DOCK6: variants seen among roughly 807,000 people sequenced by gnomAD.
The protein encoded by DOCK6 is dedicator of cytokinesis protein 6.
In DOCK6, 167 loss-of-function variants were observed where a neutral mutation model predicts 230.3. That is an observed-to-expected ratio of 0.73 (90% CI 0.64 to 0.82). The LOEUF (loss-of-function observed/expected upper bound fraction) is 0.82. Ranked by LOEUF, DOCK6 falls within the 40% of genes least tolerant of loss-of-function variation. The pLI, the probability that DOCK6 is intolerant of heterozygous loss-of-function variation, is 0.00. For missense variants in DOCK6, 2,598 were observed against 2,825.8 expected, an observed-to-expected ratio of 0.92 and a Z score of 1.83; for synonymous variants, 1,148 against 1,185.0, an observed-to-expected ratio of 0.97 and a Z score of 0.64.
rs368947362 is a variant in DOCK6 at position 11,252,133 on chromosome 19, C to A, written c.493G>T (p.Gly165Cys). The A allele has an allele frequency of 1.3e-6, 2 of 1,589,058 alleles. No homozygotes were observed. Among genetic ancestry groups the A allele is most frequent in the Non-Finnish European group, 1.7e-6 (2 of 1,168,354 alleles). The change falls in exon 5 of 48, where the codon GGC becomes TGC. Residue 165 changes from glycine (G) to cysteine (C), a missense_variant. Gly to Cys is a radical substitution (Grantham distance 159). Coordinates refer to ENST00000294618, the MANE Select transcript of DOCK6 (RefSeq NM_020812.4). ...GGCTTCCTCACCGAGTCCTCAGGGC[C>A]GGACCTCTCGTCTCCAGAAGCATCC... is the stretch of plus-strand genomic sequence containing the variant. ...EQDASGDERS[G>C]PEDSNDSRRG...
intron 24 of DOCK6, among the ~76,000 whole-genome samples, chr19:11,224,908 CA>C (rs538639531): frequency 4.1e-3 from 627 of 152,006 alleles, no homozygotes; most frequent in Non-Finnish European, 7.2e-3. Context: ...ACTAAAAATA[CA>C]AAAAATTAGC....
At chr19:11,254,546 T>C (rs1037820491) in intron 1 of DOCK6, among the ~76,000 whole-genome samples, 2 of 151,880 alleles carry the variant, frequency 1.3e-5, no homozygotes, top group African/African-American at 4.8e-5. Flanking sequence ...GTACAAAAAT[T>C]AGCCAGACTC....
rs756208600 is a variant in DOCK6 at position 11,217,010 on chromosome 19, C to T, written c.3798G>A (p.Pro1266=). ...CAGTGGCCCAGCGCTGCAGGAGCGC[C>T]GGCTCGGTGTTTTTCAGCACCCACA... is the stretch of plus-strand genomic sequence containing the variant. ...CVLWVLKNTE[P]ALLQRWATDL... Residue 1266 remains proline, a synonymous_variant, in exon 30 of 48, where the codon CCG becomes CCA. Transcript: ENST00000294618. 6.6e-5 allele frequency: 107 copies of T among 1,613,522 alleles called. 1 individual carries two copies. Among genetic ancestry groups the T allele is most frequent in the Middle Eastern group, 1.6e-4 (1 of 6,084 alleles).
rs560515965 is a variant in DOCK6 at position 11,224,783 on chromosome 19, G to A, written c.2956-1677C>T. The stretch of plus-strand genomic sequence containing the variant: ...AGTGGCCCTCAAATCCCTGCAACCC[G>A]GCCAGGCATGGTGGCTCCTGCCTGT... On this transcript the variant is annotated intron_variant, in intron 24 of 47. Coordinates refer to ENST00000294618, the MANE Select transcript of DOCK6 (RefSeq NM_020812.4). Among the ~76,000 whole-genome samples, 61 of 152,180 alleles carry A rather than the reference G, an allele frequency of 4.0e-4. 1 individual carries two copies. In the South Asian group the frequency reaches 0.012, roughly 29 times the overall value.
Position 11,217,715 on chromosome 19 carries a change from G to A in DOCK6, c.3551-324C>T, listed in dbSNP as rs552920530. Among the ~76,000 whole-genome samples, 5 of 141,918 alleles carry A rather than the reference G, an allele frequency of 3.5e-5. No individual in the cohort carries two copies. The South Asian group carries it at 9.3e-4, about 26-fold the overall frequency. 93.1% of individuals were successfully genotyped at this position (141,918 alleles called of 152,430 possible). On this transcript the variant is annotated intron_variant, in intron 28 of 47. Transcript: ENST00000294618. ...GGAGGTTACAGTGAGCCGAGATCGCGCCACTGCACTCCAGCCTGGGCAACA... is the reference window on the plus strand; with the variant it reads ...GGAGGTTACAGTGAGCCGAGATCGCACCACTGCACTCCAGCCTGGGCAACA...
At chr19:11,252,047 C>G in intron 5 of DOCK6, 72 bp downstream of exon 5, 1 of 1,553,094 alleles carries the variant, frequency 6.4e-7, no homozygotes, top group Non-Finnish European at 8.7e-7. Flanking sequence ...TTTCCTGTCA[C>G]ATGTGACCAA....
intron 28 of DOCK6, among the ~76,000 whole-genome samples, chr19:11,220,874 G>A (rs948605982): frequency 6.6e-6 from 1 of 150,548 alleles, no homozygotes; most frequent in Non-Finnish European, 1.5e-5. Flanking sequence ...GCCCAGGCTG[G>A]AGTGCAGTGG....
At position 11,209,082 on chromosome 19, in the gene DOCK6, G is replaced by A. The variant is rs762716246; in HGVS notation, c.4773C>T (p.Gly1591=). ...ACCAGGTCAGCCGAAGGTCCGGTGA[G>A]CCCTGGTAGCCCCGGGCAATTCTGG... The part of the protein sequence containing the change: ...LMYRIARGYQ[G]SPDLRLTWLQ... The change falls in exon 38 of 48, where the codon GGC becomes GGT. Residue 1591 remains glycine (G), a synonymous_variant. Transcript: ENST00000294618. The A allele has an allele frequency of 4.3e-6, 7 of 1,611,892 alleles. No individual in the cohort carries two copies. Among genetic ancestry groups the A allele is most frequent in the Non-Finnish European group, 5.9e-6 (7 of 1,179,390 alleles).
At chr19:11,258,539 T>C (rs1220964624) in intron 1 of DOCK6, among the ~76,000 whole-genome samples, 2 of 150,744 alleles carry the variant, frequency 1.3e-5, no homozygotes, top group Non-Finnish European at 3.0e-5. Flanking sequence ...TTCAAGCGAT[T>C]CTCCTGCCTC....
At position 11,262,491 on chromosome 19, in the gene DOCK6, G is replaced by A. The variant is rs949147004; in HGVS notation, c.-51C>T. The A allele has an allele frequency of 8.5e-6, 9 of 1,053,940 alleles. No individual in the cohort carries two copies. In the African/African-American group the frequency reaches 8.6e-5, roughly 10 times the overall value. The allele number at this position is 1,053,940 out of a possible 1,614,324, so 65.3% of individuals were successfully genotyped here. On this transcript the variant is annotated 5_prime_UTR_variant, in exon 1 of 48. Coordinates refer to ENST00000294618, the MANE Select transcript of DOCK6 (RefSeq NM_020812.4). ...CCCGGGCCCCGGCCCCGCCGCCGCC[G>A]CCGCCTCCCGGTTCTGGGCAGCCGG...
intron 9 of DOCK6, among the ~76,000 whole-genome samples, chr19:11,244,383 GT>G (rs1279191580): frequency 1.5e-5 from 2 of 136,488 alleles, no homozygotes; most frequent in Non-Finnish European, 3.1e-5. Flanking sequence ...TGCCTCCTGA[GT>G]TTAAGCAATT....
Position 11,202,748 on chromosome 19 carries a change from C to T in DOCK6, c.5236-39G>A. The T allele has an allele frequency of 4.3e-6, 7 of 1,610,364 alleles. 1 individual carries two copies. Among genetic ancestry groups the T allele is most frequent in the Middle Eastern group, 1.7e-4 (1 of 6,056 alleles). On this transcript the variant is annotated intron_variant, in intron 41 of 47. Transcript: ENST00000294618. This position sits in a 1 kb window ranked among gnomAD's most constrained non-coding sequence, Gnocchi z 5.3. ...AAAGGGTGTGGTTGTCCGGGAGGCC[C>T]CTGCTGGAGGTCTCCCTGCCCCAGA... is the stretch of plus-strand genomic sequence containing the variant.
Position 11,208,927 on chromosome 19 carries a change from C to G in DOCK6, c.4928G>C (p.Gly1643Ala). The G allele has an allele frequency of 6.3e-7, 1 of 1,596,982 alleles. No individual in the cohort carries two copies. The highest frequency in any genetic ancestry group is 1.3e-5 in the African/African-American group (1 of 74,646). ...GCCACTCACCTGGAAGGAAACGCAGCCCACGGGCAGGTGGCGGTGGTCCTC... is the reference window on the plus strand; with the variant it reads ...GCCACTCACCTGGAAGGAAACGCAGGCCACGGGCAGGTGGCGGTGGTCCTC... ...LLEDHRHLPV[G>A]CVSFQNISSN... Residue 1643 changes from glycine to alanine, a missense_variant, in exon 38 of 48, where the codon GGC becomes GCC. By Grantham distance (60) the Gly-to-Ala change is moderately conservative (BLOSUM62 0). Transcript: ENST00000294618.
At chr19:11,242,342 G>A in intron 13 of DOCK6, 135 bp from the exon 14 acceptor site, 2 of 984,890 alleles carry the variant, frequency 2.0e-6, no homozygotes, top group East Asian at 3.3e-5. Context: ...CAGGCGCCAA[G>A]GCCAGAAATT....
Position 11,204,259 on chromosome 19 carries a change from T to G in DOCK6, c.5161A>C (p.Lys1721Gln), listed in dbSNP as rs752021563. 4.4e-6 allele frequency: 7 copies of G among 1,601,352 alleles called. No homozygotes were observed. Among genetic ancestry groups the G allele is most frequent in the Non-Finnish European group, 6.0e-6 (7 of 1,173,246 alleles). Residue 1721 changes from lysine (K) to glutamine (Q), a missense_variant, in exon 40 of 48, where the codon AAG becomes CAG. Physicochemically the swap from Lys to Gln is moderately conservative, Grantham distance 53. Coordinates refer to ENST00000294618, the MANE Select transcript of DOCK6 (RefSeq NM_020812.4). ...IPILEAHRDY[K>Q]KLAAVHGKLQ... ...TTGCCGTGCACCGCGGCCAGCTTCT[T>G]GTAGTCACGGTGGGCTTCCAGGATG... is the stretch of plus-strand genomic sequence containing the variant.
chr19:11,232,994 C>A (rs908655590), intron 22 of DOCK6, among the ~76,000 whole-genome samples: 1 of 152,122 alleles, frequency 6.6e-6, no homozygotes, highest in African/African-American at 2.4e-5. Flanking sequence ...CACCCATCCT[C>A]GGGTCAGTCA....
At chr19:11,247,255 ATTT>A (rs762436489) in intron 7 of DOCK6, 2 of 138,268 alleles carry the variant, frequency 1.4e-5, no homozygotes, top group Admixed American at 7.2e-5. Context: ...CGTCTGGCTA[ATTT>A]TTTTTTTTTT....
At chr19:11,221,588 AC>A (rs2079579073) in intron 28 of DOCK6, 9 of 498,712 alleles carry the variant, frequency 1.8e-5, no homozygotes, top group Non-Finnish European at 2.5e-5. Context: ...TTGTAGGCTG[AC>A]AATATCTCAG....
Position 11,222,842 on chromosome 19 carries a change from T to C in DOCK6, c.3133A>G (p.Thr1045Ala). Reference sequence around the variant, plus strand: ...TGCTCGTGGCTGCACAGGATGCGGGTGAATTCCATGCGCAGGGTCAGCAGG... The same window carrying C: ...TGCTCGTGGCTGCACAGGATGCGGGCGAATTCCATGCGCAGGGTCAGCAGG... ...AALLTLRMEF[T>A]RILCSHEHYV... Residue 1045 changes from threonine to alanine, a missense_variant, in exon 26 of 48, where the codon ACC (threonine) becomes GCC (alanine). By Grantham distance (58) the Thr-to-Ala change is moderately conservative (BLOSUM62 0). Coordinates refer to ENST00000294618, the MANE Select transcript of DOCK6 (RefSeq NM_020812.4). The surrounding 1 kb of genome is among the most constrained non-coding windows in gnomAD (Gnocchi z 4.0). 6.2e-7 allele frequency: 1 copy of C among 1,600,138 alleles called. No individual in the cohort carries two copies. The highest frequency in any genetic ancestry group is 8.5e-7 in the Non-Finnish European group (1 of 1,173,976).
Sources: allele counts gnomAD v4.1 joint callset (sites outside exome capture counted in the v4.1 genomes callset), GRCh38; gene constraint gnomAD v4.1.1; non-coding constraint Gnocchi (gnomAD v3.1); transcripts MANE v1.5; gene names NCBI Gene and HGNC (gene_info 2026-07-23, HGNC 2026-07-21).